The following MME variants were observed in gnomAD, a reference collection of about 807,000 sequenced individuals.
MME encodes the protein membrane metalloendopeptidase, also known as neprilysin.
Under a neutral mutation model 113.2 loss-of-function variants are expected in MME, and 98 were observed. That is an observed-to-expected ratio of 0.87 (90% CI 0.74 to 1.02). MME has a LOEUF of 1.02. Among genes scored for constraint, MME ranks in the 50% least tolerant of loss-of-function variants. The pLI is 0.00. For missense variants in MME, 836 were observed against 896.0 expected, an observed-to-expected ratio of 0.93 and a Z score of 0.86; for synonymous variants, 292 against 300.6, an observed-to-expected ratio of 0.97 and a Z score of 0.30.
chr3:155,143,780 A>C (rs1451812711), intron 13 of MME, among the ~76,000 whole-genome samples: 3 of 152,128 alleles, frequency 2.0e-5, no homozygotes, highest in African/African-American at 7.2e-5. Context: ...AATACTGTCT[A>C]GTCTGAAACC....
At chr3:155,058,073 T>C (rs897438732) in intron 1 of MME, among the ~76,000 whole-genome samples, 2 of 151,946 alleles carry the variant, frequency 1.3e-5, no homozygotes, top group Non-Finnish European at 2.9e-5. Context: ...GGTACACCAG[T>C]AGAGAGTCTA....
chr3:155,091,819 T>A (rs61762355), intron 3 of MME, among the ~76,000 whole-genome samples: 1 of 152,204 alleles, frequency 6.6e-6, no homozygotes, highest in Non-Finnish European at 1.5e-5. Flanking sequence ...TTAAGACCAT[T>A]CAGAAAAGGA....
At chr3:155,142,481 G>A (rs1447877808) in intron 12 of MME, 151 bp downstream of exon 12, 2 of 654,814 alleles carry the variant, frequency 3.1e-6, no homozygotes, top group Non-Finnish European at 5.4e-6. Context: ...AGGACATGTT[G>A]CTGAGGAAGA....
At position 155,182,066 on chromosome 3, in the gene MME, A is replaced by G. The variant is rs1286902029; in HGVS notation, c.*1607A>G. ...AGAGCAGTACCAGCGCTCTAAAAGC[A>G]CCTCCTTGTCACTTTATTACTCCCA... On this transcript the variant is annotated 3_prime_UTR_variant, in exon 23 of 23. Coordinates refer to ENST00000360490, the MANE Select transcript of MME (RefSeq NM_007289.4). 1 of 152,152 alleles carries G rather than the reference A, an allele frequency of 6.6e-6. No individual in the cohort carries two copies. The highest frequency in any genetic ancestry group is 1.5e-5 in the Non-Finnish European group (1 of 68,036). The allele number at this position is 152,152 out of a possible 1,614,324, so 9.4% of individuals were successfully genotyped here. A position where few individuals can be genotyped will look rare whatever the true frequency, so the allele number is the denominator to read the frequency against.
intron 3 of MME, chr3:155,090,041 C>G: frequency 3.8e-6 from 1 of 260,686 alleles, no homozygotes; most frequent in Non-Finnish European, 8.1e-6. Context: ...TATCCAGAGG[C>G]CAGAGAAGCC....
chr3:155,144,382 C>G lies in MME; in HGVS notation c.1341C>G (p.Ile447Met). ...AGGTCGAGGATTTGATTGCACAGAT[C>G]CGAGAAGTTTTTATTCAGACTTTAG... is the stretch of plus-strand genomic sequence containing the variant. ...KHVVEDLIAQ[I>M]REVFIQTLDD... The change falls in exon 14 of 23, where the codon ATC (isoleucine) becomes ATG (methionine). Residue 447 changes from isoleucine to methionine, a missense_variant. Transcript: ENST00000360490. The G allele has an allele frequency of 6.2e-7, 1 of 1,612,556 alleles. No homozygotes were observed. The highest frequency in any genetic ancestry group is 8.5e-7 in the Non-Finnish European group (1 of 1,178,938).
intron 21 of MME, 84 bp downstream of exon 21, chr3:155,172,296 C>A: frequency 1.0e-6 from 1 of 973,320 alleles, no homozygotes; most frequent in Non-Finnish European, 1.7e-6. Context: ...ATGCTGAGTT[C>A]CCTTGTTTTA....
intron 1 of MME, among the ~76,000 whole-genome samples, chr3:155,069,225 G>GA (rs1714475788): frequency 6.6e-6 from 1 of 152,166 alleles, no homozygotes; most frequent in South Asian, 2.1e-4. Context: ...AGAGAGAGAT[G>GA]AAAAGAGAAG....
intron 1 of MME, among the ~76,000 whole-genome samples, chr3:155,052,617 C>T (rs1713798943): frequency 6.6e-6 from 1 of 152,240 alleles, no homozygotes; most frequent in African/African-American, 2.4e-5. Context: ...CGTATTGAGG[C>T]TGCACAGGGC....
chr3:155,129,577 A>T (rs1379102356), intron 8 of MME, among the ~76,000 whole-genome samples: 2 of 152,130 alleles, frequency 1.3e-5, no homozygotes, highest in Non-Finnish European at 2.9e-5. Flanking sequence ...CAGTTGCATC[A>T]TCTCAGAAAG....
intron 1 of MME, among the ~76,000 whole-genome samples, chr3:155,068,816 G>A (rs1227838376): frequency 3.3e-5 from 5 of 152,158 alleles, no homozygotes; most frequent in African/African-American, 1.2e-4. Context: ...GTCTTTCTAA[G>A]GATAATGTTC....
In MME at chr3:155,143,438, C is replaced by A; in HGVS notation, c.1189-5C>A. ...CAAATGCCATTTCCTTTTTCTTTTC[C>A]GTAGGCCCTTTATGGTACAACCTCA... is the stretch of plus-strand genomic sequence containing the variant. On this transcript the variant is annotated splice_region_variant and splice_polypyrimidine_tract_variant and intron_variant, in intron 12 of 22. Transcript: ENST00000360490. 3 of 1,611,228 alleles carry A rather than the reference C, an allele frequency of 1.9e-6. No individual in the cohort carries two copies. The highest frequency in any genetic ancestry group is 2.2e-5 in the East Asian group (1 of 44,798).
intron 1 of MME, among the ~76,000 whole-genome samples, chr3:155,061,323 A>T (rs113869945): frequency 0.044 from 6,625 of 151,608 alleles, 154 homozygotes; most frequent in African/African-American, 0.052. Context: ...TGGTGGCAGG[A>T]GCCTGTAGTC....
At position 155,179,551 on chromosome 3, in the gene MME, T is replaced by A. The variant is rs560408381; in HGVS notation, c.2154-809T>A. On this transcript the variant is annotated intron_variant, in intron 22 of 22. Transcript: ENST00000360490. Reference sequence around the variant, plus strand: ...GCCTAGTCCTTCCAAACCAGTCCACTTGTCTCTGGGCCCCTCCTCCCAACC... The same window carrying A: ...GCCTAGTCCTTCCAAACCAGTCCACATGTCTCTGGGCCCCTCCTCCCAACC... Among the ~76,000 whole-genome samples, 5 of 152,246 alleles carry A rather than the reference T, an allele frequency of 3.3e-5. No homozygotes were observed. In the South Asian group the frequency reaches 6.2e-4, roughly 19 times the overall value.
intron 1 of MME, chr3:155,080,943 C>T (rs1386980618): frequency 6.6e-6 from 1 of 152,180 alleles, no homozygotes. Context: ...ATTTCTTGGA[C>T]TTAACCCTGT....
At chr3:155,094,959 A>G (rs1364325553) in intron 3 of MME, among the ~76,000 whole-genome samples, 1 of 152,258 alleles carries the variant, frequency 6.6e-6, no homozygotes, top group Non-Finnish European at 1.5e-5. Context: ...GCAAAAATGC[A>G]GTCTCGGGCT....
chr3:155,139,002 C>A (rs1387065597), intron 9 of MME, among the ~76,000 whole-genome samples: 1 of 152,046 alleles, frequency 6.6e-6, no homozygotes, highest in East Asian at 1.9e-4. Context: ...TTGCCCCTGC[C>A]ATCTAAGCTC....
chr3:155,126,772 G>T (rs1719695885), intron 8 of MME, among the ~76,000 whole-genome samples: 1 of 151,936 alleles, frequency 6.6e-6, no homozygotes, highest in Non-Finnish European at 1.5e-5. Context: ...GGCCAAGGCG[G>T]GTGGATCACC....
chr3:155,035,906 A>C (rs549140720), intron 1 of MME, among the ~76,000 whole-genome samples: 1 of 152,320 alleles, frequency 6.6e-6, no homozygotes, highest in African/African-American at 2.4e-5. Flanking sequence ...GTTGAGAAAA[A>C]CTGTGGCATA....
Sources: allele counts gnomAD v4.1 joint callset (sites outside exome capture counted in the v4.1 genomes callset), GRCh38; gene constraint gnomAD v4.1.1; transcripts MANE v1.5; gene names NCBI Gene and HGNC (gene_info 2026-07-23, HGNC 2026-07-21).